Variants in CA8 observed in about 807,000 individuals in gnomAD.
The protein encoded by CA8 is carbonic anhydrase-related protein.
CA8 carries 22 observed loss-of-function variants against 41.4 expected under a neutral mutation model. That is an observed-to-expected ratio of 0.53 (90% CI 0.38 to 0.76). The LOEUF (loss-of-function observed/expected upper bound fraction) is 0.76. CA8 is among the 30% of genes least tolerant of loss of function. The pLI is 0.00. For missense variants in CA8, 270 were observed against 352.8 expected, an observed-to-expected ratio of 0.77 and a Z score of 1.88; for synonymous variants, 121 against 130.6, an observed-to-expected ratio of 0.93 and a Z score of 0.50.
intron 3 of CA8, among the ~76,000 whole-genome samples, chr8:60,250,958 T>C (rs1205235769): frequency 1.3e-5 from 2 of 152,180 alleles, no homozygotes; most frequent in Non-Finnish European, 2.9e-5. Flanking sequence ...TAGACTATTA[T>C]AAAACAGTTA....
intron 3 of CA8, among the ~76,000 whole-genome samples, chr8:60,239,906 A>G (rs1019666796): frequency 5.9e-5 from 9 of 152,152 alleles, no homozygotes; most frequent in Non-Finnish European, 1.2e-4. Context: ...TTCCACTATG[A>G]TTGTGAGGCC....
chr8:60,256,613 A>C (rs1291674965), intron 3 of CA8, among the ~76,000 whole-genome samples: 1 of 152,196 alleles, frequency 6.6e-6, no homozygotes, highest in African/African-American at 2.4e-5. Context: ...AAAAAAGCAA[A>C]ACATATGGTT....
chr8:60,273,381 A>G (rs1478991894), intron 2 of CA8, among the ~76,000 whole-genome samples: 1 of 152,220 alleles, frequency 6.6e-6, no homozygotes, highest in Non-Finnish European at 1.5e-5. Flanking sequence ...TCCTTCCCTG[A>G]GCTATTCAAG....
At chr8:60,269,752 G>A (rs1804010103) in intron 2 of CA8, among the ~76,000 whole-genome samples, 1 of 152,176 alleles carries the variant, frequency 6.6e-6, no homozygotes, top group Admixed American at 6.5e-5. Flanking sequence ...GCCACTGAGT[G>A]TATAAAGCGA....
At chr8:60,233,290 C>G (rs962864113) in intron 3 of CA8, among the ~76,000 whole-genome samples, 2 of 152,122 alleles carry the variant, frequency 1.3e-5, no homozygotes, top group Non-Finnish European at 2.9e-5. Flanking sequence ...AAAATTCAAC[C>G]ACTATTTATT....
At chr8:60,205,965 T>C (rs1018554319) in intron 8 of CA8, among the ~76,000 whole-genome samples, 1 of 152,206 alleles carries the variant, frequency 6.6e-6, no homozygotes, top group East Asian at 1.9e-4. Context: ...TAATAAAAAT[T>C]TGAATTACCT....
At chr8:60,272,537 C>T (rs1030947354) in intron 2 of CA8, among the ~76,000 whole-genome samples, 1 of 152,118 alleles carries the variant, frequency 6.6e-6, no homozygotes, top group Admixed American at 6.6e-5. Context: ...TTGGCCTTTC[C>T]TCATACAACC....
chr8:60,234,861 C>T (rs1429541497), intron 3 of CA8, among the ~76,000 whole-genome samples: 2 of 152,086 alleles, frequency 1.3e-5, no homozygotes, highest in African/African-American at 4.8e-5. Flanking sequence ...CTTGAAGGTC[C>T]TTTCTCTCAT....
At chr8:60,265,808 A>G in intron 3 of CA8, 117 bp downstream of exon 3, 2 of 1,167,142 alleles carry the variant, frequency 1.7e-6, no homozygotes, top group Non-Finnish European at 2.5e-6. Flanking sequence ...AAATTTTAGT[A>G]TAAACTGATA....
chr8:60,272,289 T>C (rs548067459), intron 2 of CA8, among the ~76,000 whole-genome samples: 2 of 152,084 alleles, frequency 1.3e-5, no homozygotes, highest in Admixed American at 1.3e-4. Context: ...TCTTTTGTAC[T>C]AACCTTCAAA....
intron 3 of CA8, among the ~76,000 whole-genome samples, chr8:60,247,372 C>A (rs1219990670): frequency 8.5e-5 from 13 of 152,148 alleles, no homozygotes; most frequent in Admixed American, 8.5e-4. Context: ...GCCCCACATG[C>A]ATTAGGTATT....
chr8:60,265,705 C>A, intron 3 of CA8: 3 of 550,460 alleles, frequency 5.4e-6, no homozygotes, highest in Non-Finnish European at 9.7e-6. Flanking sequence ...GATTGCCTTT[C>A]TGGCCATGTG....
intron 8 of CA8, among the ~76,000 whole-genome samples, chr8:60,190,575 T>G (rs539152509): frequency 6.7e-6 from 1 of 149,820 alleles, no homozygotes; most frequent in African/African-American, 2.4e-5. Flanking sequence ...CTTTTTGATG[T>G]TGAACTAGCA....
chr8:60,192,146 A>G (rs995702981), intron 8 of CA8, among the ~76,000 whole-genome samples: 112 of 152,112 alleles, frequency 7.4e-4, no homozygotes, highest in Non-Finnish European at 2.5e-4. Flanking sequence ...TATTAGCTTT[A>G]CCTGCCTCAA....
intron 8 of CA8, among the ~76,000 whole-genome samples, chr8:60,196,036 T>A (rs1475035228): frequency 6.6e-6 from 1 of 152,110 alleles, no homozygotes; most frequent in African/African-American, 2.4e-5. Context: ...GAGTACTAGA[T>A]AATGAAATGA....
intron 3 of CA8, among the ~76,000 whole-genome samples, chr8:60,235,076 CA>C (rs1807785448): frequency 6.6e-6 from 1 of 152,210 alleles, no homozygotes; most frequent in African/African-American, 2.4e-5. Flanking sequence ...GCTACCCATG[CA>C]CCTTTCCTCT....
intron 5 of CA8, among the ~76,000 whole-genome samples, chr8:60,226,443 G>A (rs570289982): frequency 1.7e-4 from 26 of 152,336 alleles, no homozygotes; most frequent in Non-Finnish European, 3.7e-4. Context: ...GACTTATGGC[G>A]AAGAGGGCAG....
intron 8 of CA8, among the ~76,000 whole-genome samples, chr8:60,193,832 C>T (rs1390028043): frequency 6.6e-6 from 1 of 152,154 alleles, no homozygotes; most frequent in Non-Finnish European, 1.5e-5. Flanking sequence ...ACTTTATGCT[C>T]ACGAGTTCTG....
intron 8 of CA8, among the ~76,000 whole-genome samples, chr8:60,198,236 T>C (rs1168960590): frequency 6.6e-6 from 1 of 152,154 alleles, no homozygotes; most frequent in Non-Finnish European, 1.5e-5. Context: ...TCAGTTTCTT[T>C]ATCTCTAAAA....
Sources: allele counts gnomAD v4.1 joint callset (sites outside exome capture counted in the v4.1 genomes callset), GRCh38; gene constraint gnomAD v4.1.1; transcripts MANE v1.5; gene names NCBI Gene and HGNC (gene_info 2026-07-23, HGNC 2026-07-21).